The following PGM5 variants were observed in gnomAD, a reference collection of about 807,000 sequenced individuals.
The protein encoded by PGM5 is phosphoglucomutase 5, also known as phosphoglucomutase-like protein 5.
PGM5 carries 23 observed loss-of-function variants against 59.2 expected under a neutral mutation model. The observed-to-expected ratio is 0.39, with a 90% confidence interval of 0.28 to 0.55. The LOEUF (loss-of-function observed/expected upper bound fraction) is 0.55. Among genes scored for constraint, PGM5 ranks in the 20% least tolerant of loss-of-function variants. The pLI, the probability that PGM5 is intolerant of heterozygous loss-of-function variation, is 0.66. For synonymous variants in PGM5, 214 were observed against 286.0 expected (o/e 0.75, Z 2.54); for missense variants, 574 against 748.3 (o/e 0.77, Z 2.72).
chr9:68,510,146 A>ATTT (rs10580007), intron 10 of PGM5, among the ~76,000 whole-genome samples: 7 of 86,842 alleles, frequency 8.1e-5, no homozygotes, highest in Non-Finnish European at 1.3e-4. Context: ...TGAAATCAGC[A>ATTT]TTTTTTTTTT....
intron 6 of PGM5, chr9:68,400,472 C>T (rs1362618129): frequency 2.6e-5 from 4 of 152,430 alleles, no homozygotes; most frequent in Non-Finnish European, 5.9e-5. Flanking sequence ...TCTTTTATGG[C>T]TTGAGTCAAG....
chr9:68,529,499 A>T (rs1360184892), intron 10 of PGM5, 68 bp from the exon 11 acceptor site: 1 of 1,077,766 alleles, frequency 9.3e-7, no homozygotes, highest in Non-Finnish European at 1.4e-6. Context: ...TTATGGTAGA[A>T]ATCCATCAGA....
At chr9:68,498,295 C>T (rs1824514630) in intron 9 of PGM5, 2 of 152,226 alleles carry the variant, frequency 1.3e-5, no homozygotes, top group Admixed American at 1.3e-4. Flanking sequence ...TTTATAGATG[C>T]AGTCACCCCT....
chr9:68,499,362 G>A lies in PGM5; in HGVS notation c.1614+1G>A. 2 of 1,613,864 alleles carry A rather than the reference G, an allele frequency of 1.2e-6. No individual in the cohort carries two copies. Among genetic ancestry groups the A allele is most frequent in the Non-Finnish European group, 1.7e-6 (2 of 1,179,888 alleles). On this transcript the variant is annotated splice_donor_variant, in intron 10 of 10. Transcript: ENST00000396396. LOFTEE classifies it high-confidence loss of function. ...CAGCGGCCATGACCAGGAGCCACAG[G>A]TACAGAAACAGCTGTGCTCCCAGCA... is the stretch of plus-strand genomic sequence containing the variant.
chr9:68,378,127 C>G (rs1821970173), intron 1 of PGM5, 72 bp from the exon 2 acceptor site: 1 of 1,204,548 alleles, frequency 8.3e-7, no homozygotes, highest in Admixed American at 3.1e-5. Flanking sequence ...TTAACAGAGC[C>G]TGGGGCACTT....
intron 10 of PGM5, among the ~76,000 whole-genome samples, chr9:68,500,536 T>C (rs532707802): frequency 6.6e-6 from 1 of 152,236 alleles, no homozygotes; most frequent in Non-Finnish European, 1.5e-5. Flanking sequence ...TGGCTCTTCC[T>C]CTCAGGATCA....
At chr9:68,498,911 T>C in intron 9 of PGM5, 1 of 303,112 alleles carries the variant, frequency 3.3e-6, no homozygotes, top group Admixed American at 4.6e-5. Flanking sequence ...TTGAATATCA[T>C]TTCATCCCTG....
chr9:68,530,701 A>AGGGGAGGGTGGGGACCCC lies in PGM5; in HGVS notation c.*1046_*1063dup, dbSNP rs1265528035. On this transcript the variant is annotated 3_prime_UTR_variant, in exon 11 of 11. Coordinates refer to ENST00000396396, the MANE Select transcript of PGM5 (RefSeq NM_021965.4). The stretch of plus-strand genomic sequence containing the variant: ...GGTACAGCTATGGGCCAGATGGTGG[A>AGGGGAGGGTGGGGACCCC]GGGGAGGGTGGGGACCCCTGCCGGC... 6.6e-6 allele frequency: 1 copy of AGGGGAGGGTGGGGACCCC among 152,222 alleles called. No individual in the cohort carries two copies. Among genetic ancestry groups the AGGGGAGGGTGGGGACCCC allele is most frequent in the Non-Finnish European group, 1.5e-5 (1 of 68,068 alleles). 9.4% of individuals were successfully genotyped at this position (152,222 alleles called of 1,614,324 possible). A position where few individuals can be genotyped will look rare whatever the true frequency, so the allele number is the denominator to read the frequency against.
chr9:68,377,153 T>G (rs1200380016), intron 1 of PGM5, among the ~76,000 whole-genome samples: 2 of 152,062 alleles, frequency 1.3e-5, no homozygotes, highest in Non-Finnish European at 2.9e-5. Flanking sequence ...TCTCGAACTC[T>G]GGACCTCAAG....
chr9:68,358,725 C>T (rs542482070), intron 1 of PGM5, among the ~76,000 whole-genome samples: 23 of 148,478 alleles, frequency 1.5e-4, no homozygotes, highest in South Asian at 4.4e-4. Flanking sequence ...TCCTCCTTCT[C>T]GGTGTTGCAG....
At chr9:68,426,260 TAAA>T (rs34604791) in intron 6 of PGM5, among the ~76,000 whole-genome samples, 7 of 146,912 alleles carry the variant, frequency 4.8e-5, no homozygotes, top group East Asian at 4.0e-4. Context: ...CTCATGTATT[TAAA>T]AAAAAAAAAA....
At chr9:68,500,620 G>A (rs1824557683) in intron 10 of PGM5, among the ~76,000 whole-genome samples, 1 of 152,128 alleles carries the variant, frequency 6.6e-6, no homozygotes, top group African/African-American at 2.4e-5. Context: ...TCCCAAGATA[G>A]TACCAAATCA....
At chr9:68,406,684 A>ATATATATATATATATATATGTG (rs1822821392) in intron 6 of PGM5, among the ~76,000 whole-genome samples, 2 of 43,794 alleles carry the variant, frequency 4.6e-5, no homozygotes, top group African/African-American at 1.9e-4. Context: ...ATATGTATAT[A>ATATATATATATATATATATGTG]TATATATATA....
rs1168429698 is a variant in PGM5, at chr9:68,437,929, C to T, written c.1044-27164C>T. ...CCATAATTCTCTGTTGTCACATATC[C>T]AGCTGGCTGCTTTACCACACATCAC... On this transcript the variant is annotated intron_variant, in intron 6 of 10. Coordinates refer to ENST00000396396, the MANE Select transcript of PGM5 (RefSeq NM_021965.4). The surrounding 1 kb of genome is among the most constrained non-coding windows in gnomAD (Gnocchi z 4.1). 6.6e-6 allele frequency among the ~76,000 whole-genome samples: 1 copy of T among 152,086 alleles called. No individual in the cohort carries two copies. Among genetic ancestry groups the T allele is most frequent in the Non-Finnish European group, 1.5e-5 (1 of 68,026 alleles).
At chr9:68,387,086 T>C (rs1227279528) in intron 3 of PGM5, among the ~76,000 whole-genome samples, 89 of 151,886 alleles carry the variant, frequency 5.9e-4, no homozygotes, top group Non-Finnish European at 9.7e-4. Flanking sequence ...GAAAGGCAAC[T>C]GGATATGCCA....
chr9:68,384,869 T>C (rs1822174511), intron 3 of PGM5, among the ~76,000 whole-genome samples: 1 of 150,210 alleles, frequency 6.7e-6, no homozygotes, highest in Non-Finnish European at 1.5e-5. Flanking sequence ...GATGCTGGAA[T>C]GCCTTAGTTA....
intron 4 of PGM5, among the ~76,000 whole-genome samples, chr9:68,388,200 A>C (rs1187977115): frequency 7.2e-6 from 1 of 139,190 alleles, no homozygotes; most frequent in Non-Finnish European, 1.6e-5. Flanking sequence ...TGGTAAGATC[A>C]TTATCTAGTG....
intron 9 of PGM5, 45 bp from the exon 10 acceptor site, chr9:68,499,182 G>A (rs1554688405): frequency 6.2e-7 from 1 of 1,603,156 alleles, no homozygotes; most frequent in Non-Finnish European, 8.5e-7. Context: ...TATTACTTGT[G>A]TATTCATTTG....
At chr9:68,462,153 T>A (rs1823866963) in intron 6 of PGM5, among the ~76,000 whole-genome samples, 1 of 152,048 alleles carries the variant, frequency 6.6e-6, no homozygotes, top group Admixed American at 6.6e-5. Context: ...GTGGCCCAGG[T>A]TACCTTTCTT....
Sources: gnomAD v4.1 joint callset for allele counts (sites outside exome capture counted in the v4.1 genomes callset) on GRCh38, gnomAD v4.1.1 for gene constraint, Gnocchi (gnomAD v3.1) non-coding constraint, MANE v1.5 for transcripts, NCBI Gene and HGNC (gene_info 2026-07-23, HGNC 2026-07-21) for gene names.